ZC3H12C: variants seen among roughly 807,000 people sequenced by gnomAD.
The protein encoded by ZC3H12C is zinc finger CCCH-type containing 12C.
Under a neutral mutation model 76.3 loss-of-function variants are expected in ZC3H12C, and 20 were observed. The ratio of observed to expected loss-of-function variants is 0.26; its 90% confidence interval spans 0.18 to 0.38. The LOEUF (loss-of-function observed/expected upper bound fraction) is 0.38. Among genes scored for constraint, ZC3H12C ranks in the 10% least tolerant of loss-of-function variants. ZC3H12C has a pLI of 1.00. For synonymous variants in ZC3H12C, 352 were observed against 399.6 expected (o/e 0.88, Z 1.42); for missense variants, 874 against 1,086.5 (o/e 0.80, Z 2.75).
intron 1 of ZC3H12C, among the ~76,000 whole-genome samples, chr11:110,109,284 A>G (rs1861387077): frequency 6.6e-6 from 1 of 152,222 alleles, no homozygotes; most frequent in Non-Finnish European, 1.5e-5. Flanking sequence ...GAATGGAATC[A>G]AGTATATAAA....
Position 110,165,712 on chromosome 11 carries a change from TG to T in ZC3H12C, c.2629del (p.Glu877ArgfsTer10). 6.3e-7 allele frequency: 1 copy of T among 1,587,890 alleles called. No individual in the cohort carries two copies. On this transcript the variant is annotated frameshift_variant, in exon 6 of 6. Coordinates refer to ENST00000278590, the MANE Select transcript of ZC3H12C (RefSeq NM_033390.2). LOFTEE classifies it high-confidence loss of function. ...CAGCAGCTCGCCGCAGCCATTTTAG[TG>T]GAGAAATCCCAGCTGGGTTATTGAA... ...DAQQLAAAIL[V>X]EKSQLGY
chr11:110,103,920 T>G (rs993863920), intron 1 of ZC3H12C, among the ~76,000 whole-genome samples: 3 of 152,042 alleles, frequency 2.0e-5, no homozygotes, highest in African/African-American at 7.2e-5. Flanking sequence ...AGATTTCTAA[T>G]TTATCCTAAG....
intron 1 of ZC3H12C, among the ~76,000 whole-genome samples, chr11:110,110,618 A>T (rs1376744477): frequency 6.6e-6 from 1 of 152,192 alleles, no homozygotes; most frequent in Non-Finnish European, 1.5e-5. Flanking sequence ...TGGCAATTCT[A>T]GTGATTCCTG....
In ZC3H12C at chr11:110,137,370, A is replaced by C; in HGVS notation, c.729A>C (p.Glu243Asp). The C allele has an allele frequency of 6.2e-7, 1 of 1,613,176 alleles. No individual in the cohort carries two copies. Among genetic ancestry groups the C allele is most frequent in the Non-Finnish European group, 8.5e-7 (1 of 1,179,706 alleles). ...PMQEIVTDDG[E>D]NLRPIVIDGS... ...AAGAGATTGTAACAGATGATGGTGA[A>C]AATCTGAGACCAATAGTTATTGATG... is the stretch of plus-strand genomic sequence containing the variant. Residue 243 changes from glutamate to aspartate, a missense_variant, in exon 2 of 6, where the codon GAA becomes GAC. This residue lies in a region of ZC3H12C where 269 missense variants were observed against 424.9 expected (regional missense o/e 0.63). Transcript: ENST00000278590.
chr11:110,138,622 A>G (rs1207043133), intron 2 of ZC3H12C, among the ~76,000 whole-genome samples: 1 of 150,740 alleles, frequency 6.6e-6, no homozygotes, highest in Non-Finnish European at 1.5e-5. Flanking sequence ...CAGTGGCACC[A>G]TCTTGGCTCA....
At chr11:110,119,755 G>A (rs1861620602) in intron 1 of ZC3H12C, among the ~76,000 whole-genome samples, 1 of 152,160 alleles carries the variant, frequency 6.6e-6, no homozygotes, top group Non-Finnish European at 1.5e-5. Flanking sequence ...CCTCATCAGT[G>A]GGGTCTTGTC....
At chr11:110,124,012 T>A (rs1403505672) in intron 1 of ZC3H12C, 1 of 152,274 alleles carries the variant, frequency 6.6e-6, no homozygotes, top group East Asian at 1.9e-4. Flanking sequence ...TGGGCAGATC[T>A]CAAAGAGAAA....
At chr11:110,164,000 C>T (rs567642637) in intron 5 of ZC3H12C, among the ~76,000 whole-genome samples, 67 of 151,736 alleles carry the variant, frequency 4.4e-4, no homozygotes, top group Non-Finnish European at 8.7e-4. Context: ...CTCAGATGGC[C>T]GAGGCATAAG....
chr11:110,163,327 T>G lies in ZC3H12C; in HGVS notation c.1203T>G (p.Phe401Leu). Residue 401 changes from phenylalanine (F) to leucine (L), a missense_variant, in exon 5 of 6, where the codon TTT becomes TTG. Transcript: ENST00000278590. Reference protein sequence around the residue: ...LGRHGPSLDNFLRKKPIVPEH... With the variant: ...LGRHGPSLDNLLRKKPIVPEH... ...GACATGGCCCCAGTCTGGATAATTT[T>G]CTGAGGAAGAAACCTATTGTTCCTG... 1 of 1,613,270 alleles carries G rather than the reference T, an allele frequency of 6.2e-7. No homozygotes were observed. Among genetic ancestry groups the G allele is most frequent in the South Asian group, 1.1e-5 (1 of 90,652 alleles).
intron 1 of ZC3H12C, among the ~76,000 whole-genome samples, chr11:110,115,058 A>G (rs1419451590): frequency 6.6e-6 from 1 of 152,018 alleles, no homozygotes; most frequent in African/African-American, 2.4e-5. Context: ...CACCATCTAT[A>G]TTGTTAAACT....
intron 1 of ZC3H12C, among the ~76,000 whole-genome samples, chr11:110,104,243 G>C (rs1478267497): frequency 1.3e-5 from 2 of 151,970 alleles, no homozygotes; most frequent in Non-Finnish European, 1.5e-5. Context: ...ATTTTTAGTA[G>C]AGACGAGGTT....
intron 1 of ZC3H12C, among the ~76,000 whole-genome samples, chr11:110,130,836 G>A (rs1257376886): frequency 6.6e-6 from 1 of 152,212 alleles, no homozygotes; most frequent in African/African-American, 2.4e-5. Flanking sequence ...CCCTGCGAAT[G>A]ACATCAGCTT....
In ZC3H12C at chr11:110,165,915, G is replaced by A. The variant is rs1862576426; in HGVS notation, c.*178G>A. 3.2e-6 allele frequency: 2 copies of A among 632,746 alleles called. No individual in the cohort carries two copies. The highest frequency in any genetic ancestry group is 3.4e-5 in the Admixed American group (1 of 28,988). 39.2% of individuals were successfully genotyped at this position (632,746 alleles called of 1,614,324 possible). A position where few individuals can be genotyped will look rare whatever the true frequency, so the allele number is the denominator to read the frequency against. ...TAGCCCCACATGGTGGAAGTATCAC[G>A]GGATTGCTTTACATTTAAACTTTTT... On this transcript the variant is annotated 3_prime_UTR_variant, in exon 6 of 6. Transcript: ENST00000278590.
At chr11:110,114,101 C>A (rs1591462721) in intron 1 of ZC3H12C, among the ~76,000 whole-genome samples, 2 of 152,322 alleles carry the variant, frequency 1.3e-5, no homozygotes, top group East Asian at 3.9e-4. Context: ...CACATCCTGA[C>A]TGACTAGCCG....
chr11:110,140,703 G>A (rs1287191110), intron 2 of ZC3H12C, among the ~76,000 whole-genome samples: 1 of 152,166 alleles, frequency 6.6e-6, no homozygotes, highest in Admixed American at 6.5e-5. Context: ...TGACTGGTGG[G>A]TAGGCCTTAT....
chr11:110,162,970 G>A (rs747150091), intron 4 of ZC3H12C, among the ~76,000 whole-genome samples: 8 of 152,222 alleles, frequency 5.3e-5, no homozygotes, highest in Admixed American at 6.5e-5. Flanking sequence ...CACTGAAATC[G>A]TTTTCTAAAA....
intron 1 of ZC3H12C, among the ~76,000 whole-genome samples, chr11:110,135,283 A>T (rs1361228250): frequency 2.0e-5 from 3 of 152,120 alleles, no homozygotes; most frequent in African/African-American, 7.2e-5. Context: ...TGAGGTCAGG[A>T]GTTTGAGACC....
At chr11:110,125,322 GT>G (rs905816751) in intron 1 of ZC3H12C, among the ~76,000 whole-genome samples, 3 of 109,756 alleles carry the variant, frequency 2.7e-5, no homozygotes, top group Admixed American at 8.9e-5. Context: ...TGTGTGTGTG[GT>G]TTTTTTTGTT....
In ZC3H12C at chr11:110,158,511, G is replaced by GA. The variant is rs111478426; in HGVS notation, c.914-733dup. On this transcript the variant is annotated intron_variant, in intron 3 of 5. Coordinates refer to ENST00000278590, the MANE Select transcript of ZC3H12C (RefSeq NM_033390.2). ...GGCGATAGACCAAGACTCAGTCACA[G>GA]AAAAAAAAAAAATCCAACCACAGAC... Among the ~76,000 whole-genome samples, 528 of 143,550 alleles carry GA rather than the reference G, an allele frequency of 3.7e-3. 2 individuals carry two copies. Among genetic ancestry groups the GA allele is most frequent in the South Asian group, 6.1e-3 (27 of 4,454 alleles). 94.2% of individuals were successfully genotyped at this position (143,550 alleles called of 152,430 possible). A position where few individuals can be genotyped will look rare whatever the true frequency, so the allele number is the denominator to read the frequency against.
Sources: gnomAD v4.1 joint callset for allele counts (sites outside exome capture counted in the v4.1 genomes callset) on GRCh38, gnomAD v4.1.1 for gene constraint, gnomAD v4.1.1 regional missense constraint, MANE v1.5 for transcripts, NCBI Gene and HGNC (gene_info 2026-07-23, HGNC 2026-07-21) for gene names.